Variants in FER1L6 observed in about 807,000 individuals in gnomAD.
The protein encoded by FER1L6 is fer-1-like protein 6.
FER1L6 carries 177 observed loss-of-function variants against 219.2 expected under a neutral mutation model. The observed-to-expected ratio is 0.81, with a 90% CI of 0.71 to 0.91. The LOEUF is 0.91. Among genes scored for constraint, FER1L6 ranks in the 40% least tolerant of loss-of-function variants. The pLI, the probability that FER1L6 is intolerant of heterozygous loss-of-function variation, is 0.00. For missense variants in FER1L6, 2,153 were observed against 2,259.9 expected (o/e 0.95, Z 0.96); for synonymous variants, 768 against 824.3 (o/e 0.93, Z 1.17).
At chr8:123,987,415 G>A (rs1816638635) in intron 12 of FER1L6, among the ~76,000 whole-genome samples, 1 of 151,980 alleles carries the variant, frequency 6.6e-6, no homozygotes, top group Non-Finnish European at 1.5e-5. Context: ...ATAGCTTCTG[G>A]TTATTAATCC....
Position 124,045,891 on chromosome 8 carries a change from G to A in FER1L6, c.2714G>A (p.Ser905Asn). 1.2e-6 allele frequency: 2 copies of A among 1,613,872 alleles called. No homozygotes were observed. Among genetic ancestry groups the A allele is most frequent in the Non-Finnish European group, 1.7e-6 (2 of 1,179,972 alleles). Residue 905 changes from serine (S) to asparagine (N), a missense_variant, in exon 21 of 41, where the codon AGC becomes AAC. Ser to Asn is a conservative substitution (Grantham distance 46). Coordinates refer to ENST00000522917, the MANE Select transcript of FER1L6 (RefSeq NM_001039112.2). ...TTAGTGGTGGTGGAGCTGTATGACA[G>A]CGACGCTGTGGTGAGTGTCCCCCTG... ...PPLVVVELYD[S>N]DAVGKPEYLG...
At position 124,023,515 on chromosome 8, in the gene FER1L6, C is replaced by T. The variant is rs567278064; in HGVS notation, c.2205C>T (p.Ile735=). 2.8e-5 allele frequency: 46 copies of T among 1,614,058 alleles called. No homozygotes were observed. Among genetic ancestry groups the T allele is most frequent in the Admixed American group, 2.5e-4 (15 of 60,008 alleles). The part of the protein sequence containing the change: ...SNNRRVAYAR[I]ASKDLLYSPV... ...ACAGGAGAGTGGCCTATGCCCGCAT[C>T]GCCTCCAAAGACCTCCTCTATTCCC... The change falls in exon 18 of 41, where the codon ATC becomes ATT. Residue 735 remains isoleucine (I), a synonymous_variant. Transcript: ENST00000522917.
rs558010841 is a variant in FER1L6 at position 123,967,036 on chromosome 8, C to T, written c.384+746C>T. The stretch of plus-strand genomic sequence containing the variant: ...GGCAGAGCTTTCAGTGAGCCGAGAT[C>T]GTGCCATTGCACTCCAGCCTGGGTG... On this transcript the variant is annotated intron_variant, in intron 5 of 40. Transcript: ENST00000522917. Among the ~76,000 whole-genome samples, 7 of 146,382 alleles carry T rather than the reference C, an allele frequency of 4.8e-5. No individual in the cohort carries two copies. In the East Asian group the frequency reaches 6.0e-4, roughly 13 times the overall value.
At chr8:123,930,348 CA>C (rs1813722388) in intron 1 of FER1L6, among the ~76,000 whole-genome samples, 1 of 124,062 alleles carries the variant, frequency 8.1e-6, no homozygotes, top group African/African-American at 2.7e-5. Flanking sequence ...CCCTCCCTGA[CA>C]TTTTTTTTTG....
intron 19 of FER1L6, among the ~76,000 whole-genome samples, chr8:124,038,432 G>A (rs766689614): frequency 2.6e-5 from 4 of 152,054 alleles, no homozygotes; most frequent in Admixed American, 2.0e-4. Context: ...CCTCTAATTC[G>A]TTGCCCCTAA....
intron 19 of FER1L6, among the ~76,000 whole-genome samples, chr8:124,036,967 G>C (rs1563757951): frequency 6.6e-6 from 1 of 152,218 alleles, no homozygotes; most frequent in Admixed American, 6.5e-5. Context: ...GGGTGACATA[G>C]AGATGAGTGA....
chr8:123,919,107 G>A (rs1398005998), intron 1 of FER1L6, among the ~76,000 whole-genome samples: 1 of 152,166 alleles, frequency 6.6e-6, no homozygotes, highest in Non-Finnish European at 1.5e-5. Context: ...CTTGAAGGAT[G>A]AGTGAGAACT....
intron 39 of FER1L6, among the ~76,000 whole-genome samples, chr8:124,112,893 T>C (rs1823080129): frequency 6.6e-6 from 1 of 152,172 alleles, no homozygotes; most frequent in African/African-American, 2.4e-5. Context: ...GTGTATAATG[T>C]GAATGTATAG....
At chr8:123,895,765 G>A (rs527639557) in intron 1 of FER1L6, among the ~76,000 whole-genome samples, 4 of 152,290 alleles carry the variant, frequency 2.6e-5, no homozygotes, top group South Asian at 2.1e-4. Context: ...CATCTCACCC[G>A]TGAAATCAAC....
chr8:124,067,934 C>A (rs1820895690), intron 28 of FER1L6, 128 bp downstream of exon 28: 4 of 728,798 alleles, frequency 5.5e-6, no homozygotes, highest in Non-Finnish European at 9.4e-6. Context: ...GAAACAATCT[C>A]AGGAAGATGA....
intron 2 of FER1L6, among the ~76,000 whole-genome samples, chr8:123,959,360 C>G (rs533044229): frequency 6.6e-6 from 1 of 152,184 alleles, no homozygotes; most frequent in African/African-American, 2.4e-5. Flanking sequence ...GCTTGAAACT[C>G]GACAGCAAGG....
At chr8:123,883,403 G>T (rs1332258475) in intron 1 of FER1L6, among the ~76,000 whole-genome samples, 1 of 152,182 alleles carries the variant, frequency 6.6e-6, no homozygotes, top group African/African-American at 2.4e-5. Context: ...AGTGGCCAGG[G>T]AATCGGCTGA....
chr8:124,116,316 A>G (rs180696310), intron 39 of FER1L6, among the ~76,000 whole-genome samples: 87 of 151,998 alleles, frequency 5.7e-4, no homozygotes, highest in African/African-American at 2.0e-3. Context: ...CATGCATGAA[A>G]CACCATGCAA....
At chr8:123,885,647 A>G (rs914896481) in intron 1 of FER1L6, among the ~76,000 whole-genome samples, 4 of 152,212 alleles carry the variant, frequency 2.6e-5, no homozygotes, top group African/African-American at 9.7e-5. Flanking sequence ...GTTCAATGTC[A>G]CACAGTAAGA....
At chr8:123,993,365 C>T (rs1417407816) in intron 12 of FER1L6, among the ~76,000 whole-genome samples, 1 of 150,230 alleles carries the variant, frequency 6.7e-6, no homozygotes, top group Non-Finnish European at 1.5e-5. Flanking sequence ...TGGCGTGAAC[C>T]CGGGAGGCGG....
At position 123,926,469 on chromosome 8, in the gene FER1L6, G is replaced by A. The variant is rs144155644; in HGVS notation, c.-7-29523G>A. Among the ~76,000 whole-genome samples, 37 of 152,320 alleles carry A rather than the reference G, an allele frequency of 2.4e-4. 1 individual carries two copies. Among genetic ancestry groups the A allele is most frequent in the African/African-American group, 6.0e-4 (25 of 41,574 alleles). On this transcript the variant is annotated intron_variant, in intron 1 of 40. Coordinates refer to ENST00000522917, the MANE Select transcript of FER1L6 (RefSeq NM_001039112.2). ...GGTTGGCCTGCGGCCAGCTCTGGGA[G>A]TTCGTCACCGGGAAGGCTAGAGCGG...
intron 35 of FER1L6, among the ~76,000 whole-genome samples, chr8:124,095,510 A>G (rs1822244657): frequency 6.6e-6 from 1 of 152,244 alleles, no homozygotes; most frequent in South Asian, 2.1e-4. Context: ...AATAGGTGGT[A>G]GGTTACCTTA....
intron 11 of FER1L6, 68 bp downstream of exon 11, chr8:123,980,879 A>T: frequency 7.5e-7 from 1 of 1,328,530 alleles, no homozygotes; most frequent in Non-Finnish European, 1.0e-6. Flanking sequence ...TGCCCCTGCC[A>T]CAGGTTCCTG....
chr8:123,932,139 C>T (rs141744341), intron 1 of FER1L6, among the ~76,000 whole-genome samples: 45 of 152,210 alleles, frequency 3.0e-4, no homozygotes, highest in African/African-American at 8.7e-4. Flanking sequence ...GATGGAGTCT[C>T]GCTCTATAGC....
Sources: allele counts gnomAD v4.1 joint callset (sites outside exome capture counted in the v4.1 genomes callset), GRCh38; gene constraint gnomAD v4.1.1; transcripts MANE v1.5; gene names NCBI Gene and HGNC (gene_info 2026-07-23, HGNC 2026-07-21).